Variants in EPHA5 observed in about 807,000 individuals in gnomAD.
The protein encoded by EPHA5 is EPH receptor A5, also known as ephrin type-A receptor 5.
A neutral mutation model predicts 105.0 loss-of-function variants in EPHA5; 60 were observed. The observed-to-expected ratio is 0.57, with a 90% CI of 0.46 to 0.71. The LOEUF (loss-of-function observed/expected upper bound fraction) is 0.71, where lower values mean the gene tolerates loss of function less well. EPHA5 is among the 30% of genes least tolerant of loss of function. The pLI is 0.00. For missense variants in EPHA5, 1,218 were observed against 1,274.7 expected (o/e 0.96, Z 0.68); for synonymous variants, 513 against 449.1 (o/e 1.14, Z -1.80).
intron 8 of EPHA5, among the ~76,000 whole-genome samples, chr4:65,388,148 C>A (rs1577985804): frequency 6.7e-6 from 1 of 150,066 alleles, no homozygotes; most frequent in Non-Finnish European, 1.5e-5. Flanking sequence ...GACATGAACT[C>A]ATCATTTTTT....
chr4:65,491,181 T>C (rs1218577101), intron 4 of EPHA5, among the ~76,000 whole-genome samples: 1 of 119,952 alleles, frequency 8.3e-6, no homozygotes, highest in African/African-American at 3.1e-5. Context: ...ATGTTGTAAG[T>C]AAAAAAAAAA....
At chr4:65,342,104 T>C (rs1049122642) in intron 14 of EPHA5, among the ~76,000 whole-genome samples, 2 of 152,108 alleles carry the variant, frequency 1.3e-5, no homozygotes, top group Admixed American at 6.6e-5. Context: ...TTATAATCAT[T>C]GAAACTGACC....
In EPHA5 at chr4:65,464,518, C is replaced by T. The variant is rs539971645; in HGVS notation, c.1402+25859G>A. ...AAAATCAAACGTTGTGATAGTTTTG[C>T]CTAACAGTAATTTTGATGTAACAAC... On this transcript the variant is annotated intron_variant, in intron 5 of 16. Coordinates refer to ENST00000613740, the MANE Select transcript of EPHA5 (RefSeq NM_001281766.3). Among the ~76,000 whole-genome samples the T allele has an allele frequency of 2.8e-4, 42 of 152,006 alleles. 1 individual carries two copies. The South Asian group carries it at 8.1e-3, about 29-fold the overall frequency.
At chr4:65,454,300 T>A (rs1365564288) in intron 5 of EPHA5, among the ~76,000 whole-genome samples, 7 of 151,370 alleles carry the variant, frequency 4.6e-5, no homozygotes, top group Non-Finnish European at 1.0e-4. Flanking sequence ...TAAATAATAA[T>A]AATAATAATA....
In EPHA5 at chr4:65,526,102, A is replaced by T. The variant is rs55654013; in HGVS notation, c.911-30559T>A. On this transcript the variant is annotated intron_variant, in intron 3 of 16. Transcript: ENST00000613740. The stretch of plus-strand genomic sequence containing the variant: ...TGGTAGGTATTACTGTTTTGCATAT[A>T]TCAAATATTGTTTTCAATGTTTCAT... Among the ~76,000 whole-genome samples the T allele has an allele frequency of 4.1e-4, 63 of 152,028 alleles. 1 individual carries two copies. Among genetic ancestry groups the T allele is most frequent in the Admixed American group, 1.4e-3 (21 of 15,230 alleles).
intron 5 of EPHA5, among the ~76,000 whole-genome samples, chr4:65,438,480 A>G (rs1368943393): frequency 6.6e-6 from 1 of 151,894 alleles, no homozygotes; most frequent in African/African-American, 2.4e-5. Context: ...ATATGTTTTC[A>G]TCTTTGAAAG....
At chr4:65,535,750 G>C (rs1367773675) in intron 3 of EPHA5, among the ~76,000 whole-genome samples, 2 of 151,976 alleles carry the variant, frequency 1.3e-5, no homozygotes, top group Non-Finnish European at 2.9e-5. Flanking sequence ...ATATACAAGA[G>C]AGAATAATAT....
At chr4:65,468,539 ATATATATATAATATATATATTATATAT>A (rs1480986321) in intron 5 of EPHA5, among the ~76,000 whole-genome samples, 2 of 118,344 alleles carry the variant, frequency 1.7e-5, no homozygotes, top group East Asian at 4.6e-4. Context: ...ACACCTTTAT[ATATATATATAATATATATATTATATAT>A]TATATATATA....
At chr4:65,662,078 A>C (rs932822735) in intron 1 of EPHA5, among the ~76,000 whole-genome samples, 3 of 151,986 alleles carry the variant, frequency 2.0e-5, no homozygotes, top group Admixed American at 1.3e-4. Flanking sequence ...CTCTTAAATC[A>C]TTTTGACTTA....
At chr4:65,591,349 C>A (rs1423891142) in intron 3 of EPHA5, among the ~76,000 whole-genome samples, 3 of 151,550 alleles carry the variant, frequency 2.0e-5, no homozygotes, top group Non-Finnish European at 4.4e-5. Context: ...GCCTTTTTTT[C>A]TTTATACAGA....
At chr4:65,399,209 A>G (rs1236753640) in intron 8 of EPHA5, among the ~76,000 whole-genome samples, 1 of 152,148 alleles carries the variant, frequency 6.6e-6, no homozygotes, top group African/African-American at 2.4e-5. Flanking sequence ...GCTACTTGCA[A>G]TGCATCTGAT....
intron 3 of EPHA5, among the ~76,000 whole-genome samples, chr4:65,601,110 AG>A (rs1206693761): frequency 6.6e-6 from 1 of 152,236 alleles, no homozygotes. Flanking sequence ...TACAACCATA[AG>A]TAAACAACAC....
chr4:65,325,936 C>A (rs1223017540), intron 16 of EPHA5, among the ~76,000 whole-genome samples: 1 of 150,510 alleles, frequency 6.6e-6, no homozygotes, highest in African/African-American at 2.4e-5. Context: ...TTCATTTTTA[C>A]AAGATAAATT....
intron 2 of EPHA5, among the ~76,000 whole-genome samples, chr4:65,629,998 C>G (rs6833583): frequency 0.98 from 148,359 of 152,078 alleles, 72,471 homozygotes; most frequent in East Asian, 1. Context: ...AAAAATAACT[C>G]GTCAGTTACT....
At chr4:65,500,242 A>T (rs973473752) in intron 3 of EPHA5, among the ~76,000 whole-genome samples, 3 of 151,404 alleles carry the variant, frequency 2.0e-5, no homozygotes, top group African/African-American at 4.8e-5. Context: ...TTTAGAAAAC[A>T]TTATGCCAGT....
chr4:65,661,011 C>T (rs1360691278), intron 1 of EPHA5, among the ~76,000 whole-genome samples: 3 of 152,136 alleles, frequency 2.0e-5, no homozygotes, highest in Non-Finnish European at 2.9e-5. Flanking sequence ...CTCTGCTCCT[C>T]TACAACCTAT....
At chr4:65,412,061 T>C (rs973822135) in intron 7 of EPHA5, among the ~76,000 whole-genome samples, 1 of 152,104 alleles carries the variant, frequency 6.6e-6, no homozygotes, top group Non-Finnish European at 1.5e-5. Flanking sequence ...AAACCTCATC[T>C]CTATTAAAAA....
At chr4:65,341,998 ATATAT>A (rs1186742403) in intron 14 of EPHA5, among the ~76,000 whole-genome samples, 1 of 152,098 alleles carries the variant, frequency 6.6e-6, no homozygotes, top group Non-Finnish European at 1.5e-5. Flanking sequence ...GTTATTAAAG[ATATAT>A]TATGTTTTTT....
chr4:65,487,585 G>C (rs1730998724), intron 5 of EPHA5, among the ~76,000 whole-genome samples: 1 of 152,090 alleles, frequency 6.6e-6, no homozygotes, highest in South Asian at 2.1e-4. Flanking sequence ...TGGATCAGCT[G>C]GCATCATACA....
Sources: allele counts gnomAD v4.1 joint callset (sites outside exome capture counted in the v4.1 genomes callset), GRCh38; gene constraint gnomAD v4.1.1; transcripts MANE v1.5; gene names NCBI Gene and HGNC (gene_info 2026-07-23, HGNC 2026-07-21).